The following GRIA1 variants were observed in gnomAD, a reference collection of about 807,000 sequenced individuals.
GRIA1 encodes glutamate ionotropic receptor AMPA type subunit 1.
A neutral mutation model predicts 99.2 loss-of-function variants in GRIA1; 31 were observed. The ratio of observed to expected loss-of-function variants is 0.31; its 90% CI spans 0.23 to 0.42. The LOEUF is 0.42. GRIA1 is among the 10% of genes least tolerant of loss of function. GRIA1 has a pLI of 1.00. For missense variants in GRIA1, 782 were observed against 1,157.5 expected (o/e 0.68, Z 4.71); for synonymous variants, 438 against 432.4 (o/e 1.01, Z -0.16).
chr5:153,771,494 C>T (rs1424114721), intron 13 of GRIA1, among the ~76,000 whole-genome samples: 2 of 152,164 alleles, frequency 1.3e-5, no homozygotes, highest in Non-Finnish European at 2.9e-5. Context: ...CAATTTTGAA[C>T]AAGATAGACA....
intron 11 of GRIA1, among the ~76,000 whole-genome samples, chr5:153,710,456 C>A (rs185173548): frequency 1.3e-3 from 204 of 152,234 alleles, no homozygotes; most frequent in Non-Finnish European, 2.2e-3. Flanking sequence ...CCCCTGAACC[C>A]AAGTGATCTG....
intron 2 of GRIA1, among the ~76,000 whole-genome samples, chr5:153,522,412 T>A (rs1581169886): frequency 6.6e-6 from 1 of 152,208 alleles, no homozygotes; most frequent in African/African-American, 2.4e-5. Context: ...GACATTGAAC[T>A]CAGGTGGTCT....
intron 2 of GRIA1, among the ~76,000 whole-genome samples, chr5:153,552,183 G>C (rs902667026): frequency 6.6e-6 from 1 of 150,686 alleles, no homozygotes; most frequent in Non-Finnish European, 1.5e-5. Context: ...TTGACTTTGC[G>C]ATCAACATTA....
chr5:153,582,510 C>T (rs976717089), intron 2 of GRIA1, among the ~76,000 whole-genome samples: 1 of 152,186 alleles, frequency 6.6e-6, no homozygotes, highest in African/African-American at 2.4e-5. Context: ...GGATAGATGT[C>T]TCAGCACCAC....
At position 153,647,113 on chromosome 5, in the gene GRIA1, A is replaced by T. The variant is rs761233560; in HGVS notation, c.406A>T (p.Ile136Phe). The change falls in exon 3 of 16, where the codon ATC (isoleucine) becomes TTC (phenylalanine). Residue 136 changes from isoleucine (I) to phenylalanine (F), a missense_variant. Transcript: ENST00000285900. Reference protein sequence around the residue: ...RPELQDALISIIDHYKWQKFV... With the variant: ...RPELQDALISFIDHYKWQKFV... Reference sequence around the variant, plus strand: ...TGAACTGCAGGATGCCCTCATCAGCATCATTGACCATTACAAGTGGCAGAA... The same window carrying T: ...TGAACTGCAGGATGCCCTCATCAGCTTCATTGACCATTACAAGTGGCAGAA... 3.1e-6 allele frequency: 5 copies of T among 1,613,954 alleles called. No individual in the cohort carries two copies. Among genetic ancestry groups the T allele is most frequent in the Non-Finnish European group, 4.2e-6 (5 of 1,179,920 alleles).
Position 153,508,475 on chromosome 5 carries a change from G to C in GRIA1, c.220+14410G>C, listed in dbSNP as rs112628183. On this transcript the variant is annotated intron_variant, in intron 2 of 15. Coordinates refer to ENST00000285900, the MANE Select transcript of GRIA1 (RefSeq NM_000827.4). The stretch of plus-strand genomic sequence containing the variant: ...GAAAAAAAAAACAGTAAGCATAAAG[G>C]CTTTAAATGAGAGTGAGTGTATATT... Among the ~76,000 whole-genome samples the C allele has an allele frequency of 3.1e-3, 478 of 152,146 alleles. 4 individuals carry two copies. The highest frequency in any genetic ancestry group is 0.011 in the African/African-American group (449 of 41,512).
chr5:153,795,611 G>A, intron 14 of GRIA1: 1 of 1,372,572 alleles, frequency 7.3e-7, no homozygotes, highest in Non-Finnish European at 1.0e-6. Context: ...GGCTACAGAG[G>A]TCACGCACAC....
intron 8 of GRIA1, among the ~76,000 whole-genome samples, chr5:153,694,994 A>G (rs1319630449): frequency 6.6e-6 from 1 of 152,134 alleles, no homozygotes; most frequent in Non-Finnish European, 1.5e-5. Flanking sequence ...GAAAAGAAAA[A>G]AAAAACCTTA....
At chr5:153,729,982 A>G (rs1407700416) in intron 11 of GRIA1, among the ~76,000 whole-genome samples, 1 of 152,132 alleles carries the variant, frequency 6.6e-6, no homozygotes, top group Non-Finnish European at 1.5e-5. Context: ...GAGTAAAAAA[A>G]TGCCCATTAA....
intron 6 of GRIA1, among the ~76,000 whole-genome samples, chr5:153,675,516 T>C (rs1756507187): frequency 6.6e-6 from 1 of 152,220 alleles, no homozygotes; most frequent in South Asian, 2.1e-4. Flanking sequence ...ACCAGATAGA[T>C]TGACAGTGGC....
intron 13 of GRIA1, among the ~76,000 whole-genome samples, chr5:153,771,555 A>G (rs1293363366): frequency 2.0e-5 from 3 of 152,250 alleles, no homozygotes; most frequent in Non-Finnish European, 4.4e-5. Context: ...CAGACATTAA[A>G]GAAATAATTA....
chr5:153,638,085 G>A lies in GRIA1; in HGVS notation c.221-8843G>A, dbSNP rs138019840. ...AAGATGGGTCAACTTAGTATCCAGA[G>A]ATTAAAATAGGTAAATGACTTGCAT... is the stretch of plus-strand genomic sequence containing the variant. On this transcript the variant is annotated intron_variant, in intron 2 of 15. Coordinates refer to ENST00000285900, the MANE Select transcript of GRIA1 (RefSeq NM_000827.4). Among the ~76,000 whole-genome samples, 496 of 152,288 alleles carry A rather than the reference G, an allele frequency of 3.3e-3. 5 individuals are homozygous for A. The highest frequency in any genetic ancestry group is 0.011 in the African/African-American group (475 of 41,554).
intron 15 of GRIA1, among the ~76,000 whole-genome samples, chr5:153,804,730 TTAATTTATTTATTTA>T: frequency 2.9e-5 from 1 of 34,810 alleles, no homozygotes; most frequent in South Asian, 2.0e-3. Context: ...AATTAATTAA[TTAATTTATTTATTTA>T]TTTATTTATT....
At chr5:153,644,478 T>C (rs891104628) in intron 2 of GRIA1, among the ~76,000 whole-genome samples, 1 of 152,136 alleles carries the variant, frequency 6.6e-6, no homozygotes, top group Admixed American at 6.5e-5. Flanking sequence ...CATCAAGCAC[T>C]CATCATTCAT....
At chr5:153,534,714 G>A (rs1268232072) in intron 2 of GRIA1, among the ~76,000 whole-genome samples, 1 of 152,140 alleles carries the variant, frequency 6.6e-6, no homozygotes, top group Non-Finnish European at 1.5e-5. Context: ...CCCTGAAGAA[G>A]TCAGGCATTT....
At chr5:153,779,339 G>C (rs190191741) in intron 13 of GRIA1, among the ~76,000 whole-genome samples, 39 of 152,262 alleles carry the variant, frequency 2.6e-4, no homozygotes, top group African/African-American at 9.1e-4. Context: ...GCCCACCTTT[G>C]TGCTAATCAA....
At chr5:153,534,124 A>G (rs537527925) in intron 2 of GRIA1, among the ~76,000 whole-genome samples, 2 of 152,346 alleles carry the variant, frequency 1.3e-5, no homozygotes, top group East Asian at 1.9e-4. Flanking sequence ...TAACCTAGAA[A>G]TAGTGTTTAT....
chr5:153,726,341 A>G (rs1051452317), intron 11 of GRIA1, among the ~76,000 whole-genome samples: 5 of 148,772 alleles, frequency 3.4e-5, no homozygotes, highest in African/African-American at 1.2e-4. Flanking sequence ...CTAGAAAAGC[A>G]AGAGCAAACA....
chr5:153,649,729 T>C (rs1052440157), intron 3 of GRIA1, among the ~76,000 whole-genome samples: 57 of 152,196 alleles, frequency 3.7e-4, no homozygotes, highest in African/African-American at 1.3e-3. Flanking sequence ...CCCAAAGTGC[T>C]GGGATTACAG....
Sources: gnomAD v4.1 joint callset for allele counts (sites outside exome capture counted in the v4.1 genomes callset) on GRCh38, gnomAD v4.1.1 for gene constraint, MANE v1.5 for transcripts, NCBI Gene and HGNC (gene_info 2026-07-23, HGNC 2026-07-21) for gene names.